TDRD10: variants seen among roughly 807,000 people sequenced by gnomAD.
The protein encoded by TDRD10 is tudor domain containing 10.
TDRD10 carries 40 observed loss-of-function variants against 48.0 expected under a neutral mutation model. The ratio of observed to expected loss-of-function variants is 0.83; its 90% CI spans 0.65 to 1.09. The LOEUF (loss-of-function observed/expected upper bound fraction) is 1.09, where lower values mean the gene tolerates loss of function less well. Among genes scored for constraint, TDRD10 ranks in the 50% least tolerant of loss-of-function variants. The probability of loss-of-function intolerance (pLI) is 0.00; values close to 1 mark genes in which losing one functional copy is unlikely to be tolerated. For synonymous variants in TDRD10, 162 were observed against 170.4 expected, an observed-to-expected ratio of 0.95 and a Z score of 0.38; for missense variants, 378 against 434.7, an observed-to-expected ratio of 0.87 and a Z score of 1.16.
At chr1:154,527,679 A>G (rs112876082) in intron 6 of TDRD10, among the ~76,000 whole-genome samples, 2 of 152,242 alleles carry the variant, frequency 1.3e-5, no homozygotes, top group African/African-American at 4.8e-5. Flanking sequence ...AATAAAGACC[A>G]CCTCTTTGAA....
At chr1:154,532,420 C>T (rs2149339611) in intron 6 of TDRD10, among the ~76,000 whole-genome samples, 1 of 152,308 alleles carries the variant, frequency 6.6e-6, no homozygotes, top group Non-Finnish European at 1.5e-5. Flanking sequence ...GTCCTGCAAG[C>T]ACCGCGCGCA....
rs373681047 is a variant in TDRD10 at position 154,525,259 on chromosome 1, T to G, written c.369+3780T>G. On this transcript the variant is annotated intron_variant, in intron 6 of 12. Transcript: ENST00000368482. ...GGGAAAGAGAATCATGGCTCTCACC[T>G]TTTTTTCTCTTGGGATAAAGATGAT... is the stretch of plus-strand genomic sequence containing the variant. Among the ~76,000 whole-genome samples, 246 of 152,260 alleles carry G rather than the reference T, an allele frequency of 1.6e-3. 3 individuals are homozygous for G. The South Asian group carries it at 0.049, about 30-fold the overall frequency.
chr1:154,543,185 G>T (rs1159107083), intron 8 of TDRD10, among the ~76,000 whole-genome samples: 1 of 152,290 alleles, frequency 6.6e-6, no homozygotes, highest in African/African-American at 2.4e-5. Flanking sequence ...TGAGGCAGGA[G>T]AATCACTTGA....
At chr1:154,544,284 A>G in intron 9 of TDRD10, 88 bp from the exon 10 acceptor site, 1 of 1,542,982 alleles carries the variant, frequency 6.5e-7, no homozygotes, top group Non-Finnish European at 8.8e-7. Flanking sequence ...GGGACGGATT[A>G]GCGGTGCTAA....
rs1199584840 is a variant in TDRD10 at position 154,508,458 on chromosome 1, A to C, written c.118A>C (p.Asn40His). The change falls in exon 4 of 13, where the codon AAT (asparagine) becomes CAT (histidine). Residue 40 changes from asparagine (N) to histidine (H), a missense_variant. Transcript: ENST00000368482. Reference protein sequence around the residue: ...KKRETEVYVGNLPLDISKEEI... With the variant: ...KKRETEVYVGHLPLDISKEEI... ...AAGAGAGACAGAGGTGTATGTTGGC[A>C]ATCTTCCACTGGATATTTCTAAGGT... The C allele has an allele frequency of 2.5e-6, 4 of 1,610,620 alleles. No individual in the cohort carries two copies. Among genetic ancestry groups the C allele is most frequent in the Non-Finnish European group, 3.4e-6 (4 of 1,176,818 alleles).
At chr1:154,510,314 T>C (rs1479257415) in intron 4 of TDRD10, among the ~76,000 whole-genome samples, 1 of 151,664 alleles carries the variant, frequency 6.6e-6, no homozygotes. Flanking sequence ...TGAAATGGGC[T>C]GGGTGCGGTC....
At chr1:154,519,719 C>T (rs1264617561) in intron 4 of TDRD10, among the ~76,000 whole-genome samples, 1 of 151,342 alleles carries the variant, frequency 6.6e-6, no homozygotes, top group Non-Finnish European at 1.5e-5. Flanking sequence ...AAAAAGGCCT[C>T]AGGGTGGCAT....
At chr1:154,538,765 ATGGTATG>A (rs1695059870) in intron 6 of TDRD10, among the ~76,000 whole-genome samples, 1 of 151,950 alleles carries the variant, frequency 6.6e-6, no homozygotes. Context: ...AGGCAGGAGA[ATGGTATG>A]AACCTGGGAG....
intron 2 of TDRD10, 36 bp downstream of exon 2, chr1:154,506,941 C>G: frequency 6.2e-7 from 1 of 1,614,220 alleles, no homozygotes; most frequent in Non-Finnish European, 8.5e-7. Context: ...GCAAGCCTCG[C>G]TCCATCCCCC....
chr1:154,544,172 G>A, intron 9 of TDRD10, 62 bp downstream of exon 9: 1 of 1,610,332 alleles, frequency 6.2e-7, no homozygotes, highest in Non-Finnish European at 8.5e-7. Flanking sequence ...TCCCTAGGGT[G>A]GGCATGGTGA....
chr1:154,545,264 T>G (rs1695484755), intron 11 of TDRD10, among the ~76,000 whole-genome samples: 1 of 152,180 alleles, frequency 6.6e-6, no homozygotes, highest in Non-Finnish European at 1.5e-5. Flanking sequence ...TTCATCTGTT[T>G]TACATACTTG....
At chr1:154,532,363 G>A (rs930964873) in intron 6 of TDRD10, among the ~76,000 whole-genome samples, 3 of 152,158 alleles carry the variant, frequency 2.0e-5, no homozygotes, top group East Asian at 3.9e-4. Context: ...GCCCGGGGCC[G>A]CTCTGAGTGC....
At position 154,548,009 on chromosome 1, in the gene TDRD10, G is replaced by T; in HGVS notation, c.*299G>T. On this transcript the variant is annotated 3_prime_UTR_variant, in exon 13 of 13. Transcript: ENST00000368482. ...ATGGTCTTTCTTGTGTCTCTTCTTT[G>T]CACCCCAGAGCATGATATAAGTGGT... is the stretch of plus-strand genomic sequence containing the variant. 1 of 494,918 alleles carries T rather than the reference G, an allele frequency of 2.0e-6. No individual in the cohort carries two copies. Among genetic ancestry groups the T allele is most frequent in the Non-Finnish European group, 3.6e-6 (1 of 277,552 alleles). 30.7% of individuals were successfully genotyped at this position (494,918 alleles called of 1,614,324 possible).
intron 6 of TDRD10, among the ~76,000 whole-genome samples, chr1:154,536,026 A>G (rs746954898): frequency 3.7e-4 from 56 of 152,242 alleles, no homozygotes; most frequent in Non-Finnish European, 7.2e-4. Flanking sequence ...AAACTTAGCC[A>G]AAGATTCAAG....
chr1:154,542,720 C>G lies in TDRD10; in HGVS notation c.413-11C>G. The G allele has an allele frequency of 6.2e-7, 1 of 1,611,894 alleles. No homozygotes were observed. On this transcript the variant is annotated splice_polypyrimidine_tract_variant and intron_variant, in intron 7 of 12. Transcript: ENST00000368482. The stretch of plus-strand genomic sequence containing the variant: ...TCTGGTGCCTCCAGGACTTAGTCTT[C>G]TGCTTTCTAGCTATTATACAGCTCG...
intron 6 of TDRD10, chr1:154,534,459 A>C (rs1694812990): frequency 6.6e-6 from 1 of 152,222 alleles, no homozygotes; most frequent in Non-Finnish European, 1.5e-5. Flanking sequence ...TTCTGACAAC[A>C]CCTGGTGGTT....
intron 6 of TDRD10, among the ~76,000 whole-genome samples, chr1:154,541,727 C>A (rs41313910): frequency 6.6e-6 from 1 of 152,232 alleles, no homozygotes; most frequent in Non-Finnish European, 1.5e-5. Context: ...CTTTCTGCCC[C>A]TGTCTGGGGA....
intron 6 of TDRD10, among the ~76,000 whole-genome samples, chr1:154,537,111 G>A (rs974590079): frequency 2.6e-5 from 4 of 152,118 alleles, no homozygotes; most frequent in African/African-American, 9.7e-5. Context: ...TCTCCCAGGT[G>A]TCTATAGGGT....
chr1:154,535,119 C>CA (rs1694851116), intron 6 of TDRD10, among the ~76,000 whole-genome samples: 1 of 152,140 alleles, frequency 6.6e-6, no homozygotes, highest in African/African-American at 2.4e-5. Flanking sequence ...ATAAGGGTAG[C>CA]ACTTTGGGAG....
Sources: allele counts gnomAD v4.1 joint callset (sites outside exome capture counted in the v4.1 genomes callset), GRCh38; gene constraint gnomAD v4.1.1; transcripts MANE v1.5; gene names NCBI Gene and HGNC (gene_info 2026-07-23, HGNC 2026-07-21).